Variants in CSMD1 observed in about 807,000 individuals in gnomAD.
CSMD1 encodes the protein CUB and Sushi multiple domains 1.
In CSMD1, 213 loss-of-function variants were observed where a neutral mutation model predicts 417.5. The ratio of observed to expected loss-of-function variants is 0.51; its 90% CI spans 0.46 to 0.57. The LOEUF (loss-of-function observed/expected upper bound fraction) is 0.57. Among genes scored for constraint, CSMD1 ranks in the 20% least tolerant of loss-of-function variants. CSMD1 has a pLI of 0.00. For synonymous variants in CSMD1, 2,862 were observed against 1,736.8 expected (o/e 1.65, Z -16.11); for missense variants, 6,923 against 4,529.7 (o/e 1.53, Z -15.17).
Position 4,884,388 on chromosome 8 carries a change from A to G in CSMD1, c.85+109944T>C, listed in dbSNP as rs564277305. Among the ~76,000 whole-genome samples the G allele has an allele frequency of 2.4e-4, 36 of 152,090 alleles. 1 individual carries two copies. In the South Asian group the frequency reaches 7.1e-3, roughly 30 times the overall value. ...ACGTTTAGAGTTTTGATGAAGTCCA[A>G]TATCTATATGTATTTTTTGTTGTTG... On this transcript the variant is annotated intron_variant, in intron 1 of 69. Coordinates refer to ENST00000635120, the MANE Select transcript of CSMD1 (RefSeq NM_033225.6).
At chr8:4,834,206 T>A (rs1230630333) in intron 1 of CSMD1, among the ~76,000 whole-genome samples, 1 of 152,202 alleles carries the variant, frequency 6.6e-6, no homozygotes, top group Non-Finnish European at 1.5e-5. Flanking sequence ...TAGAAGACAA[T>A]ACATATTTGA....
rs1240627599 is a variant in CSMD1 at position 4,030,414 on chromosome 8, G to A, written c.610+1491C>T. Among the ~76,000 whole-genome samples, 3 of 152,312 alleles carry A rather than the reference G, an allele frequency of 2.0e-5. 1 individual carries two copies. Among genetic ancestry groups the A allele is most frequent in the Middle Eastern group, 6.8e-3 (2 of 294 alleles). The stretch of plus-strand genomic sequence containing the variant: ...CACATTCGCAGGCTCAACACCACAT[G>A]GAAGCTGCCAAGGCTTGAGGCTTAC... On this transcript the variant is annotated intron_variant, in intron 4 of 69. Coordinates refer to ENST00000635120, the MANE Select transcript of CSMD1 (RefSeq NM_033225.6).
intron 3 of CSMD1, among the ~76,000 whole-genome samples, chr8:4,154,794 G>GA (rs1796746343): frequency 6.6e-6 from 1 of 152,184 alleles, no homozygotes; most frequent in South Asian, 2.1e-4. Flanking sequence ...GAAAATAAGA[G>GA]AAAGACTGAA....
At chr8:4,570,633 G>C (rs113663668) in intron 2 of CSMD1, among the ~76,000 whole-genome samples, 32,306 of 152,108 alleles carry the variant, frequency 0.21, 3,469 homozygotes, top group African/African-American at 0.25. Context: ...GCCAGGTTTT[G>C]GTATTTGGAT....
At chr8:4,214,072 A>G (rs538864876) in intron 3 of CSMD1, among the ~76,000 whole-genome samples, 1 of 152,282 alleles carries the variant, frequency 6.6e-6, no homozygotes, top group South Asian at 2.1e-4. Flanking sequence ...TATCTGACCT[A>G]CTGAATTATC....
At chr8:3,796,270 T>TAG (rs1800114081) in intron 5 of CSMD1, among the ~76,000 whole-genome samples, 4 of 28,674 alleles carry the variant, frequency 1.4e-4, no homozygotes, top group Admixed American at 1.2e-3. Context: ...TAGATATAGA[T>TAG]ATATATCTAT....
intron 3 of CSMD1, among the ~76,000 whole-genome samples, chr8:4,171,863 A>G (rs1797781501): frequency 6.6e-6 from 1 of 152,176 alleles, no homozygotes; most frequent in Non-Finnish European, 1.5e-5. Flanking sequence ...TGATTCTCTC[A>G]TTACTTACAT....
chr8:4,790,894 G>A lies in CSMD1; in HGVS notation c.86-153336C>T, dbSNP rs74959116. ...TATAAAAACCCTAGAAGGAAACATA[G>A]GAAATACCATTTTGGACCTAGGCCC... On this transcript the variant is annotated intron_variant, in intron 1 of 69. Coordinates refer to ENST00000635120, the MANE Select transcript of CSMD1 (RefSeq NM_033225.6). Among the ~76,000 whole-genome samples the A allele has an allele frequency of 0.014, 2,093 of 152,186 alleles. 100 individuals carry two copies. In the East Asian group the frequency reaches 0.19, roughly 14 times the overall value.
intron 1 of CSMD1, among the ~76,000 whole-genome samples, chr8:4,775,282 G>C (rs1295321055): frequency 1.3e-5 from 2 of 152,236 alleles, no homozygotes; most frequent in East Asian, 1.9e-4. Flanking sequence ...GATTACATCA[G>C]GTCCAGCATA....
intron 1 of CSMD1, among the ~76,000 whole-genome samples, chr8:4,945,628 G>C (rs1032068886): frequency 3.3e-5 from 5 of 152,074 alleles, no homozygotes; most frequent in Non-Finnish European, 7.4e-5. Flanking sequence ...TATTCAAGGT[G>C]ATAAAGTTTG....
intron 3 of CSMD1, among the ~76,000 whole-genome samples, chr8:4,317,571 G>C (rs561352194): frequency 6.6e-6 from 1 of 151,890 alleles, no homozygotes; most frequent in Non-Finnish European, 1.5e-5. Flanking sequence ...TCCAAGTTAA[G>C]TGTCAGTACT....
intron 5 of CSMD1, among the ~76,000 whole-genome samples, chr8:3,882,077 A>C (rs1274535845): frequency 6.6e-6 from 1 of 152,228 alleles, no homozygotes; most frequent in Non-Finnish European, 1.5e-5. Context: ...TAGTCTAAAC[A>C]TATTAAATTT....
At position 3,716,442 on chromosome 8, in the gene CSMD1, G is replaced by C. The variant is rs553193643; in HGVS notation, c.932-7951C>G. ...GCTAAACAAGGGGTGGATTATTCAT[G>C]CCTCCCTTTTTTAGACCATATAGAG... On this transcript the variant is annotated intron_variant, in intron 6 of 69. Transcript: ENST00000635120. 4.7e-4 allele frequency among the ~76,000 whole-genome samples: 72 copies of C among 152,296 alleles called. 1 individual carries two copies. In the South Asian group the frequency reaches 0.013, roughly 27 times the overall value.
chr8:3,184,210 T>C (rs1563121388), intron 36 of CSMD1, among the ~76,000 whole-genome samples: 1 of 152,218 alleles, frequency 6.6e-6, no homozygotes, highest in Non-Finnish European at 1.5e-5. Flanking sequence ...TTTGATTCAC[T>C]TTGACTTTCC....
intron 49 of CSMD1, among the ~76,000 whole-genome samples, chr8:3,054,796 G>A (rs1485654125): frequency 6.6e-6 from 1 of 152,120 alleles, no homozygotes; most frequent in Non-Finnish European, 1.5e-5. Context: ...AGACATAAAG[G>A]CATCATTTGG....
At chr8:2,972,822 C>A (rs988582634) in intron 57 of CSMD1, among the ~76,000 whole-genome samples, 1 of 152,124 alleles carries the variant, frequency 6.6e-6, no homozygotes, top group South Asian at 2.1e-4. Flanking sequence ...CTGCCAGGAT[C>A]TAGAAAACAC....
intron 1 of CSMD1, among the ~76,000 whole-genome samples, chr8:4,894,267 CTTTTG>C (rs748781077): frequency 2.0e-5 from 3 of 151,878 alleles, no homozygotes; most frequent in Non-Finnish European, 4.4e-5. Flanking sequence ...CCTATCAAGT[CTTTTG>C]TTTTGCTTTT....
At chr8:4,098,103 G>T (rs890706876) in intron 3 of CSMD1, among the ~76,000 whole-genome samples, 3 of 152,120 alleles carry the variant, frequency 2.0e-5, no homozygotes, top group Admixed American at 1.3e-4. Context: ...AACAAAGGCT[G>T]AATTAAGATG....
chr8:3,181,372 AT>A (rs1360996125), intron 36 of CSMD1, among the ~76,000 whole-genome samples, 158 bp from the exon 37 acceptor site: 3 of 152,328 alleles, frequency 2.0e-5, no homozygotes, highest in South Asian at 2.1e-4. Flanking sequence ...GTATTCAGCC[AT>A]TCTATTTTTC....
Sources: allele counts gnomAD v4.1 joint callset (sites outside exome capture counted in the v4.1 genomes callset), GRCh38; gene constraint gnomAD v4.1.1; transcripts MANE v1.5; gene names NCBI Gene and HGNC (gene_info 2026-07-23, HGNC 2026-07-21).